The following SHISA9 variants were observed in gnomAD, a reference collection of about 807,000 sequenced individuals.
SHISA9 encodes protein shisa-9.
Under a neutral mutation model 38.0 loss-of-function variants are expected in SHISA9, and 13 were observed. The observed-to-expected ratio is 0.34, with a 90% CI of 0.22 to 0.54. The LOEUF (loss-of-function observed/expected upper bound fraction) is 0.54, where lower values mean the gene tolerates loss of function less well. SHISA9 is among the 20% of genes least tolerant of loss of function. SHISA9 has a pLI of 0.91. For missense variants in SHISA9, 538 were observed against 575.8 expected, an observed-to-expected ratio of 0.93 and a Z score of 0.67; for synonymous variants, 275 against 242.0, an observed-to-expected ratio of 1.14 and a Z score of -1.27.
chr16:13,188,842 ACCCAGTACC>A (rs1168444189), intron 2 of SHISA9, among the ~76,000 whole-genome samples: 2 of 151,460 alleles, frequency 1.3e-5, no homozygotes, highest in African/African-American at 4.9e-5. Flanking sequence ...AAGTCCTATC[ACCCAGTACC>A]CCCAGAATGT....
intron 2 of SHISA9, among the ~76,000 whole-genome samples, chr16:13,124,001 G>A (rs1043921354): frequency 2.6e-5 from 4 of 152,120 alleles, no homozygotes; most frequent in Admixed American, 6.6e-5. Flanking sequence ...TCCATGCACC[G>A]CATCGTATCC....
At chr16:12,958,370 C>T (rs960095933) in intron 2 of SHISA9, among the ~76,000 whole-genome samples, 1 of 152,194 alleles carries the variant, frequency 6.6e-6, no homozygotes, top group Non-Finnish European at 1.5e-5. Context: ...GTGATTGTTT[C>T]TCTCAGATAA....
intron 2 of SHISA9, among the ~76,000 whole-genome samples, chr16:13,062,974 A>G (rs2073393156): frequency 7.2e-6 from 1 of 139,738 alleles, no homozygotes; most frequent in Non-Finnish European, 1.6e-5. Context: ...CGCATCCCTC[A>G]CTAGCTGAGT....
intron 2 of SHISA9, among the ~76,000 whole-genome samples, chr16:13,149,323 G>A (rs2050476370): frequency 6.6e-6 from 1 of 152,200 alleles, no homozygotes; most frequent in African/African-American, 2.4e-5. Flanking sequence ...GGATACAGAG[G>A]AGGGGGTATG....
chr16:13,123,598 A>G (rs755864957), intron 2 of SHISA9, among the ~76,000 whole-genome samples: 2 of 152,236 alleles, frequency 1.3e-5, no homozygotes, highest in Non-Finnish European at 2.9e-5. Context: ...AAGGTCTGAG[A>G]TAGATGGTGA....
intron 2 of SHISA9, among the ~76,000 whole-genome samples, chr16:13,112,622 C>G (rs908414520): frequency 6.7e-6 from 1 of 150,080 alleles, no homozygotes; most frequent in East Asian, 2.0e-4. Flanking sequence ...AGCATGAGTT[C>G]GTGATTTTTT....
chr16:13,227,509 A>G (rs2051291130), intron 4 of SHISA9, among the ~76,000 whole-genome samples: 1 of 152,218 alleles, frequency 6.6e-6, no homozygotes, highest in Non-Finnish European at 1.5e-5. Context: ...GCTGAAGAAC[A>G]GATCTGAGTA....
chr16:13,139,767 A>T (rs2050383276), intron 2 of SHISA9, among the ~76,000 whole-genome samples: 1 of 152,154 alleles, frequency 6.6e-6, no homozygotes, highest in Non-Finnish European at 1.5e-5. Flanking sequence ...CATATGAGTA[A>T]ACAAGACAAG....
At chr16:12,931,098 C>T (rs1012053503) in intron 2 of SHISA9, among the ~76,000 whole-genome samples, 5 of 152,092 alleles carry the variant, frequency 3.3e-5, no homozygotes, top group Non-Finnish European at 7.3e-5. Flanking sequence ...TGTTCCGTCA[C>T]GAATGCTGGG....
At chr16:13,113,209 CAAAA>C (rs35316820) in intron 2 of SHISA9, among the ~76,000 whole-genome samples, 1 of 65,262 alleles carries the variant, frequency 1.5e-5, no homozygotes. Flanking sequence ...GACTCCATCT[CAAAA>C]AAAAAAAAAA....
intron 2 of SHISA9, among the ~76,000 whole-genome samples, chr16:13,149,600 A>G (rs977530424): frequency 1.3e-5 from 2 of 152,038 alleles, no homozygotes; most frequent in Non-Finnish European, 2.9e-5. Context: ...TTTTCCCAAC[A>G]TTAAAATGGG....
At chr16:13,561,793 T>A in the SHISA9 span, among the ~76,000 whole-genome samples, 1 of 152,034 alleles carries the variant, frequency 6.6e-6, no homozygotes, top group Non-Finnish European at 1.5e-5. Flanking sequence ...AGTGTTAAAT[T>A]ATGTGTAGGA....
chr16:13,031,779 A>T (rs1472741151), intron 2 of SHISA9, among the ~76,000 whole-genome samples: 1 of 152,246 alleles, frequency 6.6e-6, no homozygotes, highest in Non-Finnish European at 1.5e-5. Context: ...TGCACAAGTG[A>T]GATTGATATA....
intron 2 of SHISA9, among the ~76,000 whole-genome samples, chr16:13,022,407 C>T (rs1263565759): frequency 6.6e-6 from 1 of 152,126 alleles, no homozygotes; most frequent in Non-Finnish European, 1.5e-5. Flanking sequence ...TCTTGGCTCA[C>T]TGCAACCTCT....
the SHISA9 span, among the ~76,000 whole-genome samples, chr16:13,527,333 G>T: frequency 6.6e-6 from 1 of 152,142 alleles, no homozygotes; most frequent in East Asian, 1.9e-4. Context: ...AGTGGGAGCC[G>T]CCATTTTAGT....
the SHISA9 span, among the ~76,000 whole-genome samples, chr16:13,408,081 C>G: frequency 6.6e-6 from 1 of 150,442 alleles, no homozygotes; most frequent in East Asian, 1.9e-4. Flanking sequence ...ATTTCTTTTG[C>G]TGTGCAGAAG....
the SHISA9 span, among the ~76,000 whole-genome samples, chr16:13,512,190 A>G: frequency 6.6e-6 from 1 of 152,084 alleles, no homozygotes; most frequent in African/African-American, 2.4e-5. Context: ...ATTATCCAAC[A>G]CCCAACAAGC....
intron 2 of SHISA9, among the ~76,000 whole-genome samples, chr16:13,153,017 C>T (rs945545855): frequency 6.6e-6 from 1 of 152,112 alleles, no homozygotes; most frequent in Non-Finnish European, 1.5e-5. Context: ...AGCTGAATAT[C>T]TGAGTATGAG....
chr16:13,383,847 G>T, the SHISA9 span, among the ~76,000 whole-genome samples: 1 of 151,954 alleles, frequency 6.6e-6, no homozygotes. Flanking sequence ...TAGAGATGGG[G>T]ATTTATCATG....
Sources: gnomAD v4.1 joint callset for allele counts (sites outside exome capture counted in the v4.1 genomes callset) on GRCh38, gnomAD v4.1.1 for gene constraint, MANE v1.5 for transcripts, NCBI Gene and HGNC (gene_info 2026-07-23, HGNC 2026-07-21) for gene names.